Variants in MAST4 observed in about 807,000 individuals in gnomAD.
MAST4 encodes the protein microtubule-associated serine/threonine-protein kinase 4.
In MAST4, 89 loss-of-function variants were observed where a neutral mutation model predicts 162.7. That is an observed-to-expected ratio of 0.55 (90% CI 0.46 to 0.65). The LOEUF (loss-of-function observed/expected upper bound fraction) is 0.65. MAST4 is among the 30% of genes least tolerant of loss of function. The pLI, the probability that MAST4 is intolerant of heterozygous loss-of-function variation, is 0.00. For missense variants in MAST4, 3,153 were observed against 3,374.0 expected, an observed-to-expected ratio of 0.93 and a Z score of 1.62; for synonymous variants, 1,479 against 1,361.1, an observed-to-expected ratio of 1.09 and a Z score of -1.91.
intron 1 of MAST4, among the ~76,000 whole-genome samples, chr5:66,715,036 G>T (rs1032180906): frequency 6.6e-6 from 1 of 152,174 alleles, no homozygotes; most frequent in Non-Finnish European, 1.5e-5. Context: ...TTTCCAAGAG[G>T]CACTGGGCCC....
intron 1 of MAST4, among the ~76,000 whole-genome samples, chr5:66,616,115 CT>C (rs753680561): frequency 6.6e-6 from 1 of 152,158 alleles, no homozygotes; most frequent in Non-Finnish European, 1.5e-5. Flanking sequence ...CAGAGGAAAA[CT>C]TTATTTTGTA....
rs915724208 is a variant in MAST4, at chr5:66,700,340, C to CT, written c.364-59360dup. On this transcript the variant is annotated intron_variant, in intron 1 of 28. Transcript: ENST00000403625. ...CCCCATACAAATTTTTGTTCTCGCT[C>CT]TTTTTTTTTGTATTCAAATTATCTT... Among the ~76,000 whole-genome samples, 76 of 151,542 alleles carry CT rather than the reference C, an allele frequency of 5.0e-4. 2 individuals carry two copies. Among genetic ancestry groups the CT allele is most frequent in the African/African-American group, 6.0e-4 (25 of 41,340 alleles).
intron 3 of MAST4, among the ~76,000 whole-genome samples, chr5:66,825,053 T>A (rs1757175090): frequency 6.6e-6 from 1 of 152,152 alleles, no homozygotes; most frequent in African/African-American, 2.4e-5. Context: ...AACAATATTT[T>A]TCTTTATTCA....
At chr5:66,948,502 G>A (rs1340334452) in intron 4 of MAST4, among the ~76,000 whole-genome samples, 2 of 152,008 alleles carry the variant, frequency 1.3e-5, no homozygotes, top group East Asian at 3.9e-4. Flanking sequence ...CCAAGCTTAG[G>A]TAGGGCACAG....
chr5:66,657,031 G>T (rs761123193), intron 1 of MAST4, among the ~76,000 whole-genome samples: 1 of 152,142 alleles, frequency 6.6e-6, no homozygotes. Flanking sequence ...TATTTTTGCA[G>T]TTACTGAGTA....
At chr5:66,768,308 A>G (rs1252320183) in intron 2 of MAST4, among the ~76,000 whole-genome samples, 1 of 152,204 alleles carries the variant, frequency 6.6e-6, no homozygotes, top group Admixed American at 6.5e-5. Flanking sequence ...TTGGAGGAAC[A>G]GGGCTGGGTA....
At chr5:66,612,284 A>G (rs945485307) in intron 1 of MAST4, among the ~76,000 whole-genome samples, 4 of 152,184 alleles carry the variant, frequency 2.6e-5, no homozygotes, top group African/African-American at 9.7e-5. Flanking sequence ...TTGTTAGAGT[A>G]CTAGGTGGGT....
At chr5:66,690,088 G>A (rs4605743) in intron 1 of MAST4, among the ~76,000 whole-genome samples, 115,986 of 152,072 alleles carry the variant, frequency 0.76, 45,455 homozygotes, top group African/African-American at 0.93. Flanking sequence ...AAAAGCTCTG[G>A]CTTAGGGAAA....
intron 4 of MAST4, among the ~76,000 whole-genome samples, chr5:66,932,124 T>A (rs2150076650): frequency 6.6e-6 from 1 of 152,336 alleles, no homozygotes; most frequent in East Asian, 1.9e-4. Context: ...CAAACTGCAA[T>A]TTGAATTATT....
At chr5:66,869,534 A>G (rs923194279) in intron 3 of MAST4, among the ~76,000 whole-genome samples, 2 of 152,170 alleles carry the variant, frequency 1.3e-5, no homozygotes, top group Admixed American at 1.3e-4. Context: ...GAAAAACATA[A>G]TCCTGACTGG....
At chr5:66,626,972 A>G (rs79020944) in intron 1 of MAST4, among the ~76,000 whole-genome samples, 243 of 152,320 alleles carry the variant, frequency 1.6e-3, no homozygotes, top group Non-Finnish European at 2.6e-3. Context: ...ATACGAAGCA[A>G]CTAGCAAAGG....
intron 4 of MAST4, among the ~76,000 whole-genome samples, chr5:66,903,640 G>C: frequency 6.6e-6 from 1 of 152,096 alleles, no homozygotes; most frequent in East Asian, 1.9e-4. Context: ...ACTACCTCAA[G>C]CCAGGGGATG....
chr5:67,116,990 T>C (rs181639171), intron 12 of MAST4, among the ~76,000 whole-genome samples: 9 of 152,326 alleles, frequency 5.9e-5, no homozygotes, highest in Admixed American at 5.9e-4. Flanking sequence ...TGTGTGAACC[T>C]TGACCATCCA....
At chr5:66,926,558 T>A (rs10043909) in intron 4 of MAST4, among the ~76,000 whole-genome samples, 3 of 108,784 alleles carry the variant, frequency 2.8e-5, no homozygotes, top group South Asian at 5.1e-4. Context: ...CTTTCTCTCT[T>A]TCTCTCTCTA....
intron 15 of MAST4, among the ~76,000 whole-genome samples, 185 bp from the exon 16 acceptor site, chr5:67,131,628 C>T (rs1036465543): frequency 2.0e-5 from 3 of 152,132 alleles, no homozygotes; most frequent in African/African-American, 7.2e-5. Context: ...AAATAAAAAT[C>T]TGTATTTTCT....
intron 3 of MAST4, among the ~76,000 whole-genome samples, chr5:66,890,283 C>T (rs1302744885): frequency 6.6e-6 from 1 of 152,130 alleles, no homozygotes; most frequent in African/African-American, 2.4e-5. Flanking sequence ...GGCTACTACT[C>T]AGCAAAACCC....
chr5:67,051,791 G>A (rs1304308547), intron 4 of MAST4, among the ~76,000 whole-genome samples: 1 of 152,116 alleles, frequency 6.6e-6, no homozygotes, highest in East Asian at 1.9e-4. Flanking sequence ...ATAAGGCGAA[G>A]ACCCCATTTC....
intron 24 of MAST4, among the ~76,000 whole-genome samples, chr5:67,150,753 T>C (rs1771697173): frequency 6.6e-6 from 1 of 152,082 alleles, no homozygotes; most frequent in Admixed American, 6.5e-5. Flanking sequence ...CACAGTGACC[T>C]CCTCCCACCT....
At chr5:66,897,542 C>G (rs1191606158) in intron 3 of MAST4, among the ~76,000 whole-genome samples, 1 of 152,240 alleles carries the variant, frequency 6.6e-6, no homozygotes, top group Non-Finnish European at 1.5e-5. Flanking sequence ...GGCCACAGCA[C>G]ATTCATTTCT....
Sources: allele counts gnomAD v4.1 joint callset (sites outside exome capture counted in the v4.1 genomes callset), GRCh38; gene constraint gnomAD v4.1.1; transcripts MANE v1.5; gene names NCBI Gene and HGNC (gene_info 2026-07-23, HGNC 2026-07-21).